Variants in ALX4 observed in about 807,000 individuals in gnomAD.
ALX4 encodes the protein homeobox protein aristaless-like 4.
Under a neutral mutation model 40.6 loss-of-function variants are expected in ALX4, and 22 were observed. The ratio of observed to expected loss-of-function variants is 0.54; its 90% CI spans 0.39 to 0.77. The LOEUF is 0.77. Ranked by LOEUF, ALX4 falls within the 30% of genes least tolerant of loss-of-function variation. ALX4 has a pLI of 0.00. For synonymous variants in ALX4, 266 were observed against 240.5 expected, an observed-to-expected ratio of 1.11 and a Z score of -0.98; for missense variants, 556 against 564.8, an observed-to-expected ratio of 0.98 and a Z score of 0.16.
intron 1 of ALX4, among the ~76,000 whole-genome samples, chr11:44,290,785 T>G (rs1441491280): frequency 1.5e-4 from 23 of 152,194 alleles, no homozygotes; most frequent in Non-Finnish European, 3.4e-4. Flanking sequence ...GTGCTTCAGT[T>G]TCCTCATCTG....
chr11:44,280,680 T>G (rs775971414), intron 1 of ALX4, among the ~76,000 whole-genome samples: 7 of 152,230 alleles, frequency 4.6e-5, no homozygotes, highest in Admixed American at 6.5e-5. Context: ...AATCAAGTAG[T>G]GAACCTACAT....
intron 2 of ALX4, among the ~76,000 whole-genome samples, chr11:44,274,487 C>G (rs1956266583): frequency 6.9e-6 from 1 of 145,550 alleles, no homozygotes; most frequent in South Asian, 2.2e-4. Context: ...GTGTCAGGTT[C>G]CATTGTGTTG....
intron 1 of ALX4, among the ~76,000 whole-genome samples, chr11:44,287,381 T>A (rs907365546): frequency 6.6e-6 from 1 of 151,888 alleles, no homozygotes; most frequent in South Asian, 2.1e-4. Context: ...ACCAGTAGGG[T>A]TCCAGCCTCT....
At chr11:44,301,643 T>C (rs4755809) in intron 1 of ALX4, among the ~76,000 whole-genome samples, 69,920 of 152,072 alleles carry the variant, frequency 0.46, 16,796 homozygotes, top group South Asian at 0.78. Context: ...CTGGACTTAT[T>C]GCAGGAGTCG....
intron 1 of ALX4, among the ~76,000 whole-genome samples, chr11:44,305,288 G>GA (rs1421990047): frequency 6.6e-6 from 1 of 152,174 alleles, no homozygotes; most frequent in African/African-American, 2.4e-5. Context: ...TTAAAATATT[G>GA]AGTTTTAATC....
At chr11:44,305,558 A>G (rs1343424674) in intron 1 of ALX4, among the ~76,000 whole-genome samples, 2 of 152,198 alleles carry the variant, frequency 1.3e-5, no homozygotes, top group Admixed American at 6.5e-5. Flanking sequence ...CGTCTCTTGT[A>G]TACAAAACAC....
Position 44,273,606 on chromosome 11 carries a change from G to A in ALX4, c.777+1742C>T, listed in dbSNP as rs115444285. On this transcript the variant is annotated intron_variant, in intron 2 of 3. Coordinates refer to ENST00000652299, the MANE Select transcript of ALX4 (RefSeq NM_021926.4). ...ATCTCAAGGAAATCACAGTTTAGTA[G>A]GAGGGGACAAACAAGTAAAATAACG... Among the ~76,000 whole-genome samples, 805 of 152,316 alleles carry A rather than the reference G, an allele frequency of 5.3e-3. 11 individuals carry two copies. The highest frequency in any genetic ancestry group is 0.018 in the African/African-American group (765 of 41,560).
chr11:44,267,747 G>T, intron 2 of ALX4, 125 bp from the exon 3 acceptor site: 1 of 1,277,482 alleles, frequency 7.8e-7, no homozygotes, highest in Non-Finnish European at 1.1e-6. Context: ...AAACGGTGCG[G>T]CCACACATAA....
intron 1 of ALX4, among the ~76,000 whole-genome samples, chr11:44,296,493 A>C (rs957983947): frequency 6.6e-5 from 10 of 152,250 alleles, no homozygotes; most frequent in Non-Finnish European, 2.9e-5. Context: ...CTGTGCATCA[A>C]AGGACAGTAT....
chr11:44,305,161 C>A (rs1454883085), intron 1 of ALX4, among the ~76,000 whole-genome samples: 2 of 152,170 alleles, frequency 1.3e-5, no homozygotes, highest in Non-Finnish European at 2.9e-5. Context: ...GTCGTCCTAA[C>A]TAACAGTGTA....
intron 1 of ALX4, among the ~76,000 whole-genome samples, chr11:44,301,223 C>T (rs146341437): frequency 6.6e-6 from 1 of 152,326 alleles, no homozygotes; most frequent in African/African-American, 2.4e-5. Flanking sequence ...CCATCTCTTC[C>T]AACCTTGAGT....
intron 1 of ALX4, among the ~76,000 whole-genome samples, chr11:44,294,593 C>T (rs1241910726): frequency 2.6e-5 from 4 of 152,270 alleles, no homozygotes; most frequent in South Asian, 2.1e-4. Context: ...TGGCAGCCCC[C>T]GCCCCTCCCA....
At chr11:44,282,343 T>G (rs1956314627) in intron 1 of ALX4, among the ~76,000 whole-genome samples, 1 of 134,448 alleles carries the variant, frequency 7.4e-6, no homozygotes, top group South Asian at 2.9e-4. Context: ...GACCTGATGA[T>G]GCCAAGTTAC....
chr11:44,309,172 C>CCGCAGCCT (rs1157303999), intron 1 of ALX4, among the ~76,000 whole-genome samples: 6 of 125,612 alleles, frequency 4.8e-5, no homozygotes, highest in African/African-American at 1.5e-4. Context: ...CCCCGCAGCC[C>CCGCAGCCT]CGCAGCCTCG....
intron 2 of ALX4, among the ~76,000 whole-genome samples, 182 bp from the exon 3 acceptor site, chr11:44,267,804 T>G (rs947341761): frequency 8.5e-5 from 13 of 152,130 alleles, no homozygotes; most frequent in Non-Finnish European, 1.8e-4. Context: ...TCTAGAATCA[T>G]CCACTCTGAG....
At chr11:44,303,408 C>T (rs1051653690) in intron 1 of ALX4, among the ~76,000 whole-genome samples, 2 of 152,120 alleles carry the variant, frequency 1.3e-5, no homozygotes, top group African/African-American at 4.8e-5. Flanking sequence ...ACTTGGCAGC[C>T]GGTGGCCCCT....
intron 1 of ALX4, among the ~76,000 whole-genome samples, chr11:44,297,426 A>G (rs1956408989): frequency 6.6e-6 from 1 of 152,092 alleles, no homozygotes; most frequent in Non-Finnish European, 1.5e-5. Flanking sequence ...TAGAAAATAA[A>G]TGGCCCAGGG....
rs370195126 is a variant in ALX4, at chr11:44,275,481, C to T, written c.644G>A (p.Arg215Gln). The T allele has an allele frequency of 5.0e-6, 8 of 1,613,894 alleles. No individual in the cohort carries two copies. The highest frequency in any genetic ancestry group is 2.2e-5 in the East Asian group (1 of 44,880). The change falls in exon 2 of 4, where the codon CGG becomes CAG. Residue 215 changes from arginine to glutamine, a missense_variant. Physicochemically the swap from Arg to Gln is conservative, Grantham distance 43. Coordinates refer to ENST00000652299, the MANE Select transcript of ALX4 (RefSeq NM_021926.4). ...ADSESNKGKK[R>Q]RNRTTFTSYQ... ...GCTGGTGAAGGTGGTCCGGTTCCGCCGCTTCTTGCCCTTGTTGCTCTCTGA... is the reference window on the plus strand; with the variant it reads ...GCTGGTGAAGGTGGTCCGGTTCCGCTGCTTCTTGCCCTTGTTGCTCTCTGA...
intron 1 of ALX4, among the ~76,000 whole-genome samples, chr11:44,299,917 T>C (rs1440643345): frequency 6.6e-6 from 1 of 152,182 alleles, no homozygotes; most frequent in Non-Finnish European, 1.5e-5. Flanking sequence ...TGATGGTGAT[T>C]AAGTGAAATC....
Sources: gnomAD v4.1 joint callset for allele counts (sites outside exome capture counted in the v4.1 genomes callset) on GRCh38, gnomAD v4.1.1 for gene constraint, MANE v1.5 for transcripts, NCBI Gene and HGNC (gene_info 2026-07-23, HGNC 2026-07-21) for gene names.